GRID1: variants seen among roughly 807,000 people sequenced by gnomAD.
GRID1 encodes glutamate ionotropic receptor delta type subunit 1, also known as glutamate receptor ionotropic, delta-1.
A neutral mutation model predicts 98.0 loss-of-function variants in GRID1; 28 were observed. The observed-to-expected ratio is 0.29, with a 90% CI of 0.21 to 0.39. GRID1 has a LOEUF of 0.39. Among genes scored for constraint, GRID1 ranks in the 10% least tolerant of loss-of-function variants. GRID1 has a pLI of 1.00. For missense variants in GRID1, 1,111 were observed against 1,340.5 expected (o/e 0.83, Z 2.67); for synonymous variants, 553 against 538.5 (o/e 1.03, Z -0.37).
intron 2 of GRID1, among the ~76,000 whole-genome samples, chr10:86,310,216 C>A (rs1243636063): frequency 6.6e-6 from 1 of 152,208 alleles, no homozygotes; most frequent in Non-Finnish European, 1.5e-5. Context: ...AGCCCAGATT[C>A]TTCTAACCAG....
chr10:85,835,431 C>T (rs953517418), intron 8 of GRID1, among the ~76,000 whole-genome samples: 1 of 152,178 alleles, frequency 6.6e-6, no homozygotes, highest in African/African-American at 2.4e-5. Context: ...ATACTGTTCT[C>T]ATGGTAGTGA....
chr10:85,841,706 C>A (rs1164203762), intron 8 of GRID1, among the ~76,000 whole-genome samples: 1 of 151,574 alleles, frequency 6.6e-6, no homozygotes, highest in African/African-American at 2.4e-5. Flanking sequence ...ATACAGGTAG[C>A]CAAAAATAAT....
At chr10:86,316,408 C>T (rs1156484536) in intron 2 of GRID1, among the ~76,000 whole-genome samples, 1 of 152,242 alleles carries the variant, frequency 6.6e-6, no homozygotes, top group Non-Finnish European at 1.5e-5. Context: ...CCAGTGTTCT[C>T]CAGAGTCTCC....
At position 86,144,136 on chromosome 10, in the gene GRID1, G is replaced by A. The variant is rs1414898693; in HGVS notation, c.521-5112C>T. On this transcript the variant is annotated intron_variant, in intron 3 of 15. Transcript: ENST00000327946. ...CAGAACTTAACATTTCAGAGGCTGA[G>A]AACAAGCCAGAACAAATCAATAGCA... 3.3e-5 allele frequency among the ~76,000 whole-genome samples: 5 copies of A among 152,238 alleles called. No individual in the cohort carries two copies. In the East Asian group the frequency reaches 7.7e-4, roughly 24 times the overall value.
Position 86,174,641 on chromosome 10 carries a change from A to G in GRID1, c.520+31723T>C, listed in dbSNP as rs1312652470. ...GCAACAAAAGCCAAAATTGACAAAT[A>G]GGATCTAATTAAACTAAAGAGCTTC... On this transcript the variant is annotated intron_variant, in intron 3 of 15. Coordinates refer to ENST00000327946, the MANE Select transcript of GRID1 (RefSeq NM_017551.3). Among the ~76,000 whole-genome samples the G allele has an allele frequency of 1.8e-4, 27 of 152,146 alleles. No homozygotes were observed. The East Asian group carries it at 4.1e-3, about 23-fold the overall frequency.
chr10:86,003,516 C>A (rs1205396737), intron 4 of GRID1, among the ~76,000 whole-genome samples: 1 of 152,230 alleles, frequency 6.6e-6, no homozygotes, highest in Admixed American at 6.5e-5. Context: ...GCTCAGGCAG[C>A]TTCTGAGAGC....
chr10:86,065,660 A>G (rs1051608527), intron 4 of GRID1, among the ~76,000 whole-genome samples: 3 of 152,246 alleles, frequency 2.0e-5, no homozygotes, highest in African/African-American at 7.2e-5. Flanking sequence ...CTTCTGCAGA[A>G]TTAAACTAAT....
At position 85,844,065 on chromosome 10, in the gene GRID1, A is replaced by C. The variant is rs1051642895; in HGVS notation, c.1233+10431T>G. ...AAATAGTGAGGCATCCATTCTTCGA[A>C]ATAATACTCAACTATAAAAGAGAGA... is the stretch of plus-strand genomic sequence containing the variant. On this transcript the variant is annotated intron_variant, in intron 8 of 15. Coordinates refer to ENST00000327946, the MANE Select transcript of GRID1 (RefSeq NM_017551.3). Among the ~76,000 whole-genome samples the C allele has an allele frequency of 6.6e-5, 10 of 152,176 alleles. No individual in the cohort carries two copies. The South Asian group carries it at 2.1e-3, about 32-fold the overall frequency.
chr10:85,667,316 C>G (rs558857796), intron 12 of GRID1, among the ~76,000 whole-genome samples: 323 of 148,898 alleles, frequency 2.2e-3, no homozygotes, highest in East Asian at 5.0e-3. Context: ...CACACACACA[C>G]AGAGAGAGAG....
chr10:86,287,362 G>C lies in GRID1; in HGVS notation c.235+76579C>G, dbSNP rs74970921. Reference sequence around the variant, plus strand: ...TACCTCAAAGCAAGAGATAATCAGGGGAGAGCCCTGGGCACCATTCCTGGT... The same window carrying C: ...TACCTCAAAGCAAGAGATAATCAGGCGAGAGCCCTGGGCACCATTCCTGGT... On this transcript the variant is annotated intron_variant, in intron 2 of 15. Coordinates refer to ENST00000327946, the MANE Select transcript of GRID1 (RefSeq NM_017551.3). 4.3e-3 allele frequency among the ~76,000 whole-genome samples: 652 copies of C among 152,172 alleles called. 6 individuals carry two copies. Among genetic ancestry groups the C allele is most frequent in the African/African-American group, 0.015 (620 of 41,500 alleles).
intron 2 of GRID1, among the ~76,000 whole-genome samples, chr10:86,295,729 T>C (rs2132078172): frequency 6.6e-6 from 1 of 152,310 alleles, no homozygotes; most frequent in African/African-American, 2.4e-5. Flanking sequence ...AGTTCATACC[T>C]GAGCTTGGCT....
At chr10:85,607,801 CT>C (rs1451779903) in intron 15 of GRID1, among the ~76,000 whole-genome samples, 32 of 150,346 alleles carry the variant, frequency 2.1e-4, no homozygotes, top group East Asian at 1.6e-3. Context: ...GGGCTCTTTC[CT>C]TTTCCTTTTT....
chr10:85,889,389 C>A (rs940594978), intron 5 of GRID1, among the ~76,000 whole-genome samples: 2 of 152,180 alleles, frequency 1.3e-5, no homozygotes, highest in Non-Finnish European at 2.9e-5. Context: ...TCTACTTCTA[C>A]GAGATCAATA....
At chr10:85,634,257 T>C (rs894360186) in intron 13 of GRID1, among the ~76,000 whole-genome samples, 1 of 130,844 alleles carries the variant, frequency 7.6e-6, no homozygotes, top group South Asian at 2.5e-4. Flanking sequence ...CACCTCTCTC[T>C]CTCTCTCTCT....
At chr10:85,873,591 T>C (rs531728250) in intron 5 of GRID1, among the ~76,000 whole-genome samples, 1 of 152,328 alleles carries the variant, frequency 6.6e-6, no homozygotes, top group Non-Finnish European at 1.5e-5. Context: ...GTTGGATGCC[T>C]CCTTCTCAAA....
At chr10:85,619,155 C>T (rs1336313463) in intron 14 of GRID1, among the ~76,000 whole-genome samples, 2 of 152,168 alleles carry the variant, frequency 1.3e-5, no homozygotes, top group Non-Finnish European at 2.9e-5. Context: ...AAGGCTTAGA[C>T]ACCTTGGCGA....
intron 3 of GRID1, among the ~76,000 whole-genome samples, chr10:86,205,200 T>A (rs1846008647): frequency 6.6e-6 from 1 of 152,230 alleles, no homozygotes; most frequent in African/African-American, 2.4e-5. Context: ...TGCAAACATA[T>A]GCTGATTTCT....
At chr10:85,733,098 C>T (rs1352379190) in intron 8 of GRID1, among the ~76,000 whole-genome samples, 1 of 152,110 alleles carries the variant, frequency 6.6e-6, no homozygotes, top group Non-Finnish European at 1.5e-5. Context: ...CCAGTTTTTC[C>T]CATTAAGACA....
At chr10:85,605,276 A>C (rs1456038279) in intron 15 of GRID1, 1 of 152,242 alleles carries the variant, frequency 6.6e-6, no homozygotes, top group Non-Finnish European at 1.5e-5. Flanking sequence ...AGGCATGTTC[A>C]TTTCAAAATG....
Sources: gnomAD v4.1 joint callset for allele counts (sites outside exome capture counted in the v4.1 genomes callset) on GRCh38, gnomAD v4.1.1 for gene constraint, MANE v1.5 for transcripts, NCBI Gene and HGNC (gene_info 2026-07-23, HGNC 2026-07-21) for gene names.